Variants in KCNAB3 observed in about 807,000 individuals in gnomAD.
The protein encoded by KCNAB3 is potassium voltage-gated channel subfamily A regulatory beta subunit 3.
A neutral mutation model predicts 67.7 loss-of-function variants in KCNAB3; 62 were observed. The observed-to-expected ratio is 0.92, with a 90% CI of 0.75 to 1.13. The LOEUF (loss-of-function observed/expected upper bound fraction) is 1.13, where lower values mean the gene tolerates loss of function less well. Among genes scored for constraint, KCNAB3 ranks in the 50% most tolerant of loss-of-function variants. The pLI is 0.00. For synonymous variants in KCNAB3, 212 were observed against 205.4 expected (o/e 1.03, Z -0.27); for missense variants, 514 against 522.9 (o/e 0.98, Z 0.17).
intron 11 of KCNAB3, 38 bp downstream of exon 11, chr17:7,923,930 A>G: frequency 6.8e-7 from 1 of 1,478,048 alleles, no homozygotes; most frequent in South Asian, 1.2e-5. Flanking sequence ...AGCAGCCCAT[A>G]TAGCCCAGTC....
chr17:7,926,065 C>T lies in KCNAB3; in HGVS notation c.443G>A (p.Gly148Asp), dbSNP rs1972221009. The T allele has an allele frequency of 6.2e-7, 1 of 1,614,134 alleles. No homozygotes were observed. The highest frequency in any genetic ancestry group is 1.1e-5 in the South Asian group (1 of 91,082). Residue 148 changes from glycine to aspartate, a missense_variant, in exon 5 of 14, where the codon GGT becomes GAT. Transcript: ENST00000303790. ...RTLGNILKSKGWRRSSYVITT... is the reference protein window; with the variant it reads ...RTLGNILKSKDWRRSSYVITT... ...CCCCCCAAAACAGTCTCACCTCCAA[C>T]CTTTGCTCTTGAGGATGTTCCCTAG...
chr17:7,923,868 T>TCAC (rs752778287), intron 11 of KCNAB3, 37 bp from the exon 12 acceptor site: 80 of 1,555,134 alleles, frequency 5.1e-5, no homozygotes, highest in Middle Eastern at 3.4e-4. Context: ...GACCCCGCCA[T>TCAC]CACCACCACC....
intron 11 of KCNAB3, 67 bp downstream of exon 11, chr17:7,923,901 C>T (rs1324003589): frequency 5.1e-6 from 8 of 1,562,276 alleles, no homozygotes; most frequent in South Asian, 2.3e-5. Flanking sequence ...ACAAAGCAGC[C>T]CCCCGTAACT....
chr17:7,923,332 C>T (rs1224228817), intron 13 of KCNAB3, 124 bp downstream of exon 13: 6 of 1,251,650 alleles, frequency 4.8e-6, no homozygotes, highest in Middle Eastern at 2.3e-4. Flanking sequence ...GCCCTGGGAC[C>T]TCTCACCTGC....
chr17:7,922,944 C>T lies in KCNAB3; in HGVS notation c.*158G>A, dbSNP rs927851424. The T allele has an allele frequency of 1.0e-5, 7 of 676,858 alleles. No individual in the cohort carries two copies. The highest frequency in any genetic ancestry group is 7.1e-5 in the African/African-American group (4 of 56,558). 41.9% of individuals were successfully genotyped at this position (676,858 alleles called of 1,614,324 possible). On this transcript the variant is annotated 3_prime_UTR_variant, in exon 14 of 14. Coordinates refer to ENST00000303790, the MANE Select transcript of KCNAB3 (RefSeq NM_004732.4). ...CACTGCAAAAGGATATGGCTTTGTT[C>T]ATGCGTATCACTACTCGAAGCCGGG...
rs1434090612 is a variant in KCNAB3, at chr17:7,923,146, C to T, written c.1171G>A (p.Glu391Lys). Residue 391 changes from glutamate to lysine, a missense_variant, in exon 14 of 14, where the codon GAA becomes AAA. Coordinates refer to ENST00000303790, the MANE Select transcript of KCNAB3 (RefSeq NM_004732.4). ...TTGTTTCCCAGGAGCCCGTCTATTT[C>T]CATCACTGTCTGCGGGGTCAGCTGG... ...LSQLTPQTVM[E>K]IDGLLGNKPH... 2 of 1,614,072 alleles carry T rather than the reference C, an allele frequency of 1.2e-6. No individual in the cohort carries two copies. Among genetic ancestry groups the T allele is most frequent in the South Asian group, 2.2e-5 (2 of 91,092 alleles).
Position 7,922,993 on chromosome 17 carries a change from C to G in KCNAB3, c.*109G>C. Reference sequence around the variant, plus strand: ...GGACTCGTTGGTGGGCGGGGCTAGTCTGGCTCCGGCCGCTGCGTGGAGGGA... The same window carrying G: ...GGACTCGTTGGTGGGCGGGGCTAGTGTGGCTCCGGCCGCTGCGTGGAGGGA... On this transcript the variant is annotated 3_prime_UTR_variant, in exon 14 of 14. Coordinates refer to ENST00000303790, the MANE Select transcript of KCNAB3 (RefSeq NM_004732.4). The G allele has an allele frequency of 9.6e-7, 1 of 1,037,214 alleles. No homozygotes were observed. Among genetic ancestry groups the G allele is most frequent in the Non-Finnish European group, 1.5e-6 (1 of 664,298 alleles). The allele number at this position is 1,037,214 out of a possible 1,614,324, so 64.3% of individuals were successfully genotyped here.
chr17:7,927,218 C>T (rs143904478), intron 4 of KCNAB3, 126 bp downstream of exon 4: 20 of 898,206 alleles, frequency 2.2e-5, no homozygotes, highest in East Asian at 9.6e-5. Context: ...CGGGTCCCTC[C>T]GCCAAAAGGT....
Position 7,925,951 on chromosome 17 carries a change from G to A in KCNAB3, c.474C>T (p.Thr158=). 6.2e-7 allele frequency: 1 copy of A among 1,602,228 alleles called. No homozygotes were observed. Among genetic ancestry groups the A allele is most frequent in the Non-Finnish European group, 8.5e-7 (1 of 1,175,722 alleles). The part of the protein sequence containing the change: ...GWRRSSYVIT[T]KIFWGGQAET... ...CTTACTGTCCTCCCCAAAAAATCTT[G>A]GTAGTGATGACATAGCTTGATCTCC... is the stretch of plus-strand genomic sequence containing the variant. The change falls in exon 6 of 14, where the codon ACC becomes ACT. Residue 158 remains threonine (T), a synonymous_variant. Transcript: ENST00000303790.
chr17:7,927,923 A>G (rs1314558962), intron 1 of KCNAB3, 97 bp from the exon 2 acceptor site: 3 of 1,440,756 alleles, frequency 2.1e-6, no homozygotes, highest in Admixed American at 1.7e-5. Flanking sequence ...AGAAGCCCTC[A>G]GGTGTCTCAG....
chr17:7,922,848 T>A lies in KCNAB3; in HGVS notation c.*254A>T, dbSNP rs994950358. On this transcript the variant is annotated 3_prime_UTR_variant, in exon 14 of 14. Coordinates refer to ENST00000303790, the MANE Select transcript of KCNAB3 (RefSeq NM_004732.4). ...CAGAGAGCCGACGGCGAGTAGCTCA[T>A]GCCCGGGATTTGCAAGAAGGGCCTA... 9.1e-6 allele frequency: 5 copies of A among 549,882 alleles called. No homozygotes were observed. In the African/African-American group the frequency reaches 9.4e-5, roughly 10 times the overall value. 34.1% of individuals were successfully genotyped at this position (549,882 alleles called of 1,614,324 possible).
In KCNAB3 at chr17:7,929,802, C is replaced by A; in HGVS notation, c.-367G>T. ...GCGGGAGAGAGATGCCACTTCAGCG[C>A]GAACCGCTGCGGGACCCGCTGGGCT... On this transcript the variant is annotated 5_prime_UTR_variant, in exon 1 of 14. Coordinates refer to ENST00000303790, the MANE Select transcript of KCNAB3 (RefSeq NM_004732.4). This position sits in a 1 kb window ranked among gnomAD's most constrained non-coding sequence, Gnocchi z 5.7. 3 of 1,064,142 alleles carry A rather than the reference C, an allele frequency of 2.8e-6. No homozygotes were observed. In the South Asian group the frequency reaches 8.5e-5, roughly 30 times the overall value. 65.9% of individuals were successfully genotyped at this position (1,064,142 alleles called of 1,614,324 possible). A position where few individuals can be genotyped will look rare whatever the true frequency, so the allele number is the denominator to read the frequency against.
chr17:7,923,310 C>T, intron 13 of KCNAB3, 131 bp from the exon 14 acceptor site: 5 of 1,239,804 alleles, frequency 4.0e-6, no homozygotes, highest in Non-Finnish European at 5.9e-6. Flanking sequence ...TGTGCCGGTG[C>T]CTCGCTTTCC....
chr17:7,925,941 A>C lies in KCNAB3; in HGVS notation c.484T>G (p.Trp162Gly). Reference sequence around the variant, plus strand: ...GGGGCAGCCACTTACTGTCCTCCCCAAAAAATCTTGGTAGTGATGACATAG... The same window carrying C: ...GGGGCAGCCACTTACTGTCCTCCCCCAAAAATCTTGGTAGTGATGACATAG... Reference protein sequence around the residue: ...SSYVITTKIFWGGQAETERGL... With the variant: ...SSYVITTKIFGGGQAETERGL... Residue 162 changes from tryptophan to glycine, a missense_variant, in exon 6 of 14, where the codon TGG (tryptophan) becomes GGG (glycine). Coordinates refer to ENST00000303790, the MANE Select transcript of KCNAB3 (RefSeq NM_004732.4). 1 of 1,594,598 alleles carries C rather than the reference A, an allele frequency of 6.3e-7. No individual in the cohort carries two copies. The highest frequency in any genetic ancestry group is 1.1e-5 in the South Asian group (1 of 90,638).
chr17:7,929,167 G>A lies in KCNAB3; in HGVS notation c.242+27C>T. On this transcript the variant is annotated intron_variant, in intron 1 of 13. Transcript: ENST00000303790. This position sits in a 1 kb window ranked among gnomAD's most constrained non-coding sequence, Gnocchi z 5.7. ...AGGGGTCCCGAAAGGAAAGCGGAAG[G>A]GGTGGGCTGCCCGGCCACCCCCATA... 2 of 1,610,146 alleles carry A rather than the reference G, an allele frequency of 1.2e-6. No homozygotes were observed. The highest frequency in any genetic ancestry group is 8.5e-7 in the Non-Finnish European group (1 of 1,178,950).
intron 8 of KCNAB3, 122 bp downstream of exon 8, chr17:7,924,975 G>T (rs1972174512): frequency 3.6e-6 from 3 of 831,874 alleles, no homozygotes; most frequent in Non-Finnish European, 6.0e-6. Flanking sequence ...CGAACTCCAG[G>T]CCCCAAGTGA....
In KCNAB3 at chr17:7,925,141, T is replaced by C; in HGVS notation, c.581A>G (p.Asp194Gly). The C allele has an allele frequency of 6.2e-7, 1 of 1,613,898 alleles. No individual in the cohort carries two copies. Among genetic ancestry groups the C allele is most frequent in the Non-Finnish European group, 8.5e-7 (1 of 1,179,878 alleles). Residue 194 changes from aspartate (D) to glycine (G), a missense_variant, in exon 8 of 14, where the codon GAC (aspartate) becomes GGC (glycine). By Grantham distance (94) the Asp-to-Gly change is moderately conservative. Transcript: ENST00000303790. Reference protein sequence around the residue: ...SLERLQLGYVDIVFANRSDPN... With the variant: ...SLERLQLGYVGIVFANRSDPN... ...GTCTGAGCGATTGGCAAAGACAATG[T>C]CCACGTATCCCAGCTGGAGGCGTTC...
chr17:7,924,445 CCCCCAG>C lies in KCNAB3; in HGVS notation c.675_680del (p.Tyr225_Gly227delinsTer). ...TTTCTGCAGCCCCCCATCGGGATGT[CCCCCAG>C]TATAGGGCCAGGCCCTGGTTGATGA... On this transcript the variant is annotated stop_gained and inframe_deletion, in exon 9 of 14. Coordinates refer to ENST00000303790, the MANE Select transcript of KCNAB3 (RefSeq NM_004732.4). LOFTEE classifies it high-confidence loss of function. The C allele has an allele frequency of 6.2e-7, 1 of 1,614,008 alleles. No individual in the cohort carries two copies. Among genetic ancestry groups the C allele is most frequent in the South Asian group, 1.1e-5 (1 of 91,060 alleles).
At position 7,923,493 on chromosome 17, in the gene KCNAB3, C is replaced by G; in HGVS notation, c.1100G>C (p.Ser367Thr). ...GVSSVLLGVS[S>T]AEQLIEHLGA... ...CAGGTGTTCTATCAACTGCTCCGCACTCGACACCCCCAGCAAGACAGAGCT... is the reference window on the plus strand; with the variant it reads ...CAGGTGTTCTATCAACTGCTCCGCAGTCGACACCCCCAGCAAGACAGAGCT... Residue 367 changes from serine to threonine, a missense_variant, in exon 13 of 14, where the codon AGT (serine) becomes ACT (threonine). By Grantham distance (58) the Ser-to-Thr change is moderately conservative. Coordinates refer to ENST00000303790, the MANE Select transcript of KCNAB3 (RefSeq NM_004732.4). 6.2e-7 allele frequency: 1 copy of G among 1,612,670 alleles called. No individual in the cohort carries two copies. The highest frequency in any genetic ancestry group is 8.5e-7 in the Non-Finnish European group (1 of 1,179,418).
Sources: allele counts gnomAD v4.1 joint callset, GRCh38; gene constraint gnomAD v4.1.1; non-coding constraint Gnocchi (gnomAD v3.1); transcripts MANE v1.5; gene names NCBI Gene and HGNC (gene_info 2026-07-23, HGNC 2026-07-21).